The following XKR6 variants were observed in gnomAD, a reference collection of about 807,000 sequenced individuals.
XKR6 encodes XK related 6, also known as XK-related protein 6.
In XKR6, 22 loss-of-function variants were observed where a neutral mutation model predicts 56.7. That is an observed-to-expected ratio of 0.39 (90% CI 0.28 to 0.55). The LOEUF is 0.55. Ranked by LOEUF, XKR6 falls within the 20% of genes least tolerant of loss-of-function variation. XKR6 has a pLI of 0.66. For missense variants in XKR6, 852 were observed against 889.0 expected (o/e 0.96, Z 0.53); for synonymous variants, 524 against 387.8 (o/e 1.35, Z -4.13).
intron 1 of XKR6, among the ~76,000 whole-genome samples, chr8:11,130,253 A>G (rs1413743778): frequency 6.6e-6 from 1 of 152,152 alleles, no homozygotes; most frequent in Non-Finnish European, 1.5e-5. Context: ...TAATGCTTCC[A>G]AAATGATAGA....
intron 1 of XKR6, among the ~76,000 whole-genome samples, chr8:11,166,363 A>G (rs57861728): frequency 0.054 from 8,168 of 152,156 alleles, 731 homozygotes; most frequent in African/African-American, 0.19. Context: ...GGCATCTGCT[A>G]TGGTCTGAAA....
chr8:11,084,372 T>C (rs1797816226), intron 1 of XKR6, among the ~76,000 whole-genome samples: 1 of 152,222 alleles, frequency 6.6e-6, no homozygotes, highest in Non-Finnish European at 1.5e-5. Flanking sequence ...ACTATATTGC[T>C]TTAAGGCTGA....
intron 2 of XKR6, among the ~76,000 whole-genome samples, 158 bp downstream of exon 2, chr8:10,924,476 C>A (rs1029097803): frequency 6.6e-6 from 1 of 152,262 alleles, no homozygotes; most frequent in Non-Finnish European, 1.5e-5. Flanking sequence ...GTGGTGTGGG[C>A]CCCGTCAGCA....
At chr8:11,115,155 G>A (rs1475504253) in intron 1 of XKR6, among the ~76,000 whole-genome samples, 1 of 152,136 alleles carries the variant, frequency 6.6e-6, no homozygotes, top group African/African-American at 2.4e-5. Context: ...ACAAAATCCT[G>A]AATCCCTGAA....
At chr8:10,977,443 G>C (rs1802600000) in intron 1 of XKR6, among the ~76,000 whole-genome samples, 1 of 151,766 alleles carries the variant, frequency 6.6e-6, no homozygotes, top group Non-Finnish European at 1.5e-5. Flanking sequence ...CAGCCAGTGG[G>C]TCTAGGGAGG....
intron 1 of XKR6, among the ~76,000 whole-genome samples, chr8:11,064,053 C>T (rs554654070): frequency 4.4e-4 from 67 of 152,324 alleles, no homozygotes; most frequent in Non-Finnish European, 9.4e-4. Flanking sequence ...CAGTCCTTCC[C>T]TTTCTACTGC....
At chr8:10,944,187 G>T (rs1801467105) in intron 1 of XKR6, among the ~76,000 whole-genome samples, 1 of 152,184 alleles carries the variant, frequency 6.6e-6, no homozygotes, top group South Asian at 2.1e-4. Context: ...TCTGATGGAA[G>T]CTGGTCTCCT....
chr8:10,915,445 G>A (rs761632068), intron 2 of XKR6, among the ~76,000 whole-genome samples: 5 of 152,038 alleles, frequency 3.3e-5, no homozygotes, highest in Non-Finnish European at 5.9e-5. Context: ...TCCAAGTCCC[G>A]AGTTGCTACT....
intron 1 of XKR6, among the ~76,000 whole-genome samples, chr8:11,117,671 T>C (rs1216034620): frequency 3.9e-5 from 6 of 152,168 alleles, no homozygotes; most frequent in Admixed American, 3.9e-4. Flanking sequence ...TGAAGAACTT[T>C]AATTATGACA....
intron 1 of XKR6, among the ~76,000 whole-genome samples, chr8:11,040,078 G>A (rs558766182): frequency 1.3e-5 from 2 of 152,220 alleles, no homozygotes; most frequent in South Asian, 4.1e-4. Flanking sequence ...AGAAGAAAAC[G>A]GAGGCCCAGG....
intron 1 of XKR6, among the ~76,000 whole-genome samples, chr8:11,156,681 A>G (rs1801534835): frequency 6.6e-6 from 1 of 152,226 alleles, no homozygotes; most frequent in South Asian, 2.1e-4. Flanking sequence ...AAATACTACA[A>G]AGTGACTGCA....
intron 1 of XKR6, among the ~76,000 whole-genome samples, chr8:11,168,633 A>G (rs761910141): frequency 5.3e-5 from 8 of 152,248 alleles, no homozygotes; most frequent in African/African-American, 9.6e-5. Flanking sequence ...AGAAGAGACT[A>G]TGTTTGTCCA....
intron 1 of XKR6, among the ~76,000 whole-genome samples, chr8:11,164,339 C>T (rs898895769): frequency 6.6e-6 from 1 of 152,212 alleles, no homozygotes; most frequent in Admixed American, 6.5e-5. Flanking sequence ...TTCCTTTTCT[C>T]CACCCCTGGG....
chr8:11,091,543 G>C (rs1024174558), intron 1 of XKR6, among the ~76,000 whole-genome samples: 2 of 152,140 alleles, frequency 1.3e-5, no homozygotes, highest in African/African-American at 2.4e-5. Context: ...CAGTAGCAAG[G>C]ACAAAGAGAA....
At chr8:11,123,205 C>G (rs1799542495) in intron 1 of XKR6, among the ~76,000 whole-genome samples, 1 of 148,602 alleles carries the variant, frequency 6.7e-6, no homozygotes, top group Non-Finnish European at 1.5e-5. Flanking sequence ...CCACTGCACT[C>G]CAGCCTGGGT....
chr8:11,195,426 C>G (rs1175803147), intron 1 of XKR6, among the ~76,000 whole-genome samples: 1 of 152,106 alleles, frequency 6.6e-6, no homozygotes, highest in African/African-American at 2.4e-5. Context: ...GTACTAAATT[C>G]TCACTAACAT....
At chr8:11,108,562 G>A (rs1365267247) in intron 1 of XKR6, 1 of 347,122 alleles carries the variant, frequency 2.9e-6, no homozygotes, top group African/African-American at 2.2e-5. Context: ...CGGCCTTAGT[G>A]CCTTGGACTC....
intron 1 of XKR6, among the ~76,000 whole-genome samples, chr8:11,080,413 A>G (rs750889949): frequency 1.2e-4 from 19 of 152,212 alleles, no homozygotes; most frequent in Non-Finnish European, 2.1e-4. Flanking sequence ...GTCAAAAGAG[A>G]TATCTTCTGC....
intron 1 of XKR6, among the ~76,000 whole-genome samples, chr8:10,960,957 T>C (rs563691904): frequency 6.6e-6 from 1 of 152,276 alleles, no homozygotes; most frequent in South Asian, 2.1e-4. Flanking sequence ...AAGACCGGGC[T>C]AGACTGGCTA....
Sources: allele counts gnomAD v4.1 joint callset (sites outside exome capture counted in the v4.1 genomes callset), GRCh38; gene constraint gnomAD v4.1.1; transcripts MANE v1.5; gene names NCBI Gene and HGNC (gene_info 2026-07-23, HGNC 2026-07-21).